The following NBEA variants were observed in gnomAD, a reference collection of about 807,000 sequenced individuals.
The protein encoded by NBEA is lysosomal-trafficking regulator 2.
Under a neutral mutation model 343.4 loss-of-function variants are expected in NBEA, and 44 were observed. That is an observed-to-expected ratio of 0.13 (90% confidence interval 0.10 to 0.16). The LOEUF is 0.16. Ranked by LOEUF, NBEA falls within the 10% of genes least tolerant of loss-of-function variation. NBEA has a pLI of 1.00. For synonymous variants in NBEA, 1,175 were observed against 1,238.7 expected (o/e 0.95, Z 1.08); for missense variants, 2,555 against 3,631.3 (o/e 0.70, Z 7.62).
intron 1 of NBEA, among the ~76,000 whole-genome samples, chr13:34,993,448 C>A (rs1056921398): frequency 5.9e-5 from 9 of 152,150 alleles, no homozygotes; most frequent in African/African-American, 2.2e-4. Context: ...CAGACCTTTG[C>A]ATATAGTAGA....
chr13:35,184,226 G>A (rs976512354), intron 30 of NBEA, among the ~76,000 whole-genome samples, 155 bp downstream of exon 30: 16 of 151,986 alleles, frequency 1.1e-4, no homozygotes, highest in Admixed American at 5.9e-4. Flanking sequence ...TATTGAGAGC[G>A]AAGTATAGCT....
chr13:35,109,909 G>T (rs934949715), intron 12 of NBEA, among the ~76,000 whole-genome samples: 6 of 151,434 alleles, frequency 4.0e-5, no homozygotes, highest in African/African-American at 1.5e-4. Context: ...TTATATACAA[G>T]GATTTAGTCC....
At chr13:35,124,819 T>C (rs1008886752) in intron 17 of NBEA, among the ~76,000 whole-genome samples, 1 of 150,396 alleles carries the variant, frequency 6.6e-6, no homozygotes, top group African/African-American at 2.5e-5. Flanking sequence ...TACACACACA[T>C]ATGGATATAT....
At chr13:35,265,821 C>G (rs1331126121) in intron 34 of NBEA, among the ~76,000 whole-genome samples, 1 of 151,772 alleles carries the variant, frequency 6.6e-6, no homozygotes. Context: ...GGATGTGACT[C>G]TAAAAACACA....
chr13:35,458,875 G>T (rs180987382), intron 40 of NBEA, among the ~76,000 whole-genome samples: 4 of 152,142 alleles, frequency 2.6e-5, no homozygotes, highest in Admixed American at 2.6e-4. Flanking sequence ...GGATTGTAAT[G>T]CTACTTTGAT....
At chr13:34,952,056 A>T (rs1215729933) in intron 1 of NBEA, among the ~76,000 whole-genome samples, 1 of 152,188 alleles carries the variant, frequency 6.6e-6, no homozygotes, top group Non-Finnish European at 1.5e-5. Context: ...TGTAGAAACT[A>T]AGGCTGTAGA....
At chr13:35,640,703 C>G (rs2083904298) in intron 49 of NBEA, among the ~76,000 whole-genome samples, 1 of 152,166 alleles carries the variant, frequency 6.6e-6, no homozygotes, top group Admixed American at 6.5e-5. Flanking sequence ...CTAATCGAAA[C>G]TTTTCCTTAA....
intron 1 of NBEA, among the ~76,000 whole-genome samples, chr13:34,994,059 G>GT (rs1197626037): frequency 6.6e-6 from 1 of 151,650 alleles, no homozygotes; most frequent in African/African-American, 2.4e-5. Context: ...TTAGCCAGGT[G>GT]TGATGGTGGG....
At chr13:34,945,295 T>C (rs2059153394) in intron 1 of NBEA, among the ~76,000 whole-genome samples, 1 of 152,148 alleles carries the variant, frequency 6.6e-6, no homozygotes, top group Non-Finnish European at 1.5e-5. Flanking sequence ...ATTACTAAGT[T>C]GTTAATTATA....
chr13:35,426,640 C>T (rs1354616520), intron 38 of NBEA, among the ~76,000 whole-genome samples: 1 of 152,054 alleles, frequency 6.6e-6, no homozygotes, highest in Non-Finnish European at 1.5e-5. Flanking sequence ...TTGCTCTTCT[C>T]GAGGAGTATC....
intron 33 of NBEA, among the ~76,000 whole-genome samples, chr13:35,228,496 AC>A (rs2074790089): frequency 6.6e-6 from 1 of 151,864 alleles, no homozygotes; most frequent in African/African-American, 2.4e-5. Context: ...TGTACATGAT[AC>A]CCATTAAGTA....
At chr13:35,652,111 G>C (rs2084552497) in intron 53 of NBEA, among the ~76,000 whole-genome samples, 1 of 151,954 alleles carries the variant, frequency 6.6e-6, no homozygotes, top group Non-Finnish European at 1.5e-5. Flanking sequence ...TATAAATAAG[G>C]CAAATAATTC....
At chr13:35,030,188 T>C (rs1244753810) in intron 1 of NBEA, among the ~76,000 whole-genome samples, 1 of 151,726 alleles carries the variant, frequency 6.6e-6, no homozygotes, top group East Asian at 1.9e-4. Context: ...TTTTAAGATG[T>C]TTTCTTACGT....
chr13:35,360,412 A>G (rs1057460268), intron 38 of NBEA, among the ~76,000 whole-genome samples: 2 of 152,022 alleles, frequency 1.3e-5, no homozygotes, highest in Non-Finnish European at 2.9e-5. Context: ...CCTAAAGAGG[A>G]AGTTAACATG....
At chr13:35,574,280 G>A (rs2080603816) in intron 45 of NBEA, among the ~76,000 whole-genome samples, 1 of 127,012 alleles carries the variant, frequency 7.9e-6, no homozygotes, top group Non-Finnish European at 1.6e-5. Context: ...ATAATACATA[G>A]GTAGGATATT....
At chr13:35,125,512 G>C (rs967153214) in intron 17 of NBEA, among the ~76,000 whole-genome samples, 1 of 152,162 alleles carries the variant, frequency 6.6e-6, no homozygotes, top group African/African-American at 2.4e-5. Context: ...TTACACAGAT[G>C]AGCTGTATTT....
intron 47 of NBEA, among the ~76,000 whole-genome samples, chr13:35,602,132 A>C (rs572640511): frequency 6.6e-6 from 1 of 152,370 alleles, no homozygotes; most frequent in East Asian, 1.9e-4. Flanking sequence ...GCCTTGGAGC[A>C]CAAATGTAGT....
chr13:35,301,013 T>G (rs1182331420), intron 35 of NBEA, among the ~76,000 whole-genome samples: 2 of 152,186 alleles, frequency 1.3e-5, no homozygotes, highest in Admixed American at 6.5e-5. Flanking sequence ...TAAACATGCT[T>G]TAAAAACCAC....
chr13:35,469,379 C>T (rs547852826), intron 40 of NBEA, among the ~76,000 whole-genome samples: 4 of 152,098 alleles, frequency 2.6e-5, no homozygotes, highest in South Asian at 2.1e-4. Flanking sequence ...TATGCTTGGG[C>T]GGTTTTTGTT....
Sources: allele counts gnomAD v4.1 joint callset (sites outside exome capture counted in the v4.1 genomes callset), GRCh38; gene constraint gnomAD v4.1.1; transcripts MANE v1.5; gene names NCBI Gene and HGNC (gene_info 2026-07-23, HGNC 2026-07-21).